Variants in PLCB1 observed in about 807,000 individuals in gnomAD.
PLCB1 encodes the protein 1-phosphatidylinositol 4,5-bisphosphate phosphodiesterase beta-1.
In PLCB1, 46 loss-of-function variants were observed where a neutral mutation model predicts 161.8. That is an observed-to-expected ratio of 0.28 (90% confidence interval 0.22 to 0.36). PLCB1 has a LOEUF of 0.36. Among genes scored for constraint, PLCB1 ranks in the 10% least tolerant of loss-of-function variants. PLCB1 has a pLI of 1.00. For synonymous variants in PLCB1, 517 were observed against 503.7 expected (o/e 1.03, Z -0.35); for missense variants, 1,016 against 1,472.5 (o/e 0.69, Z 5.07).
At chr20:8,875,272 A>G (rs1987739384) in intron 31 of PLCB1, among the ~76,000 whole-genome samples, 1 of 150,372 alleles carries the variant, frequency 6.7e-6, no homozygotes, top group Non-Finnish European at 1.5e-5. Context: ...GTACCCCATG[A>G]TTATACAGTT....
chr20:8,200,104 A>G (rs1184736001), intron 2 of PLCB1, among the ~76,000 whole-genome samples: 1 of 152,104 alleles, frequency 6.6e-6, no homozygotes, highest in Non-Finnish European at 1.5e-5. Flanking sequence ...TTGCATTACT[A>G]ATATCTTCTC....
At chr20:8,444,222 A>G (rs1336311658) in intron 3 of PLCB1, among the ~76,000 whole-genome samples, 1 of 140,040 alleles carries the variant, frequency 7.1e-6, no homozygotes, top group Non-Finnish European at 1.5e-5. Flanking sequence ...GCGGTGTGTG[A>G]TGTTCCCCAC....
chr20:8,251,200 T>A (rs957819128), intron 2 of PLCB1, among the ~76,000 whole-genome samples: 3 of 152,006 alleles, frequency 2.0e-5, no homozygotes, highest in Admixed American at 1.3e-4. Context: ...TGTGAGGGGA[T>A]GTCCTCATGA....
At chr20:8,639,926 A>G (rs2123260329) in intron 4 of PLCB1, among the ~76,000 whole-genome samples, 1 of 151,682 alleles carries the variant, frequency 6.6e-6, no homozygotes, top group East Asian at 1.9e-4. Context: ...AAGAGTCACT[A>G]TTCCAAGACC....
chr20:8,751,046 C>T (rs1245230716), intron 23 of PLCB1: 1 of 318,980 alleles, frequency 3.1e-6, no homozygotes, highest in Non-Finnish European at 6.1e-6. Context: ...CGCCATTCTC[C>T]TGGGTCAGCC....
At chr20:8,513,196 A>G (rs1234101464) in intron 3 of PLCB1, among the ~76,000 whole-genome samples, 1 of 152,236 alleles carries the variant, frequency 6.6e-6, no homozygotes, top group Non-Finnish European at 1.5e-5. Context: ...AAAGTTGATC[A>G]AAGACAAGAG....
intron 3 of PLCB1, chr20:8,372,242 A>C (rs937203148): frequency 6.6e-6 from 1 of 152,218 alleles, no homozygotes; most frequent in Non-Finnish European, 1.5e-5. Flanking sequence ...TACTTGATAT[A>C]AAACTAGCTA....
At chr20:8,246,052 AG>A (rs1441889043) in intron 2 of PLCB1, among the ~76,000 whole-genome samples, 1 of 151,942 alleles carries the variant, frequency 6.6e-6, no homozygotes, top group African/African-American at 2.4e-5. Context: ...TTTGTACATG[AG>A]CATTCATTGG....
intron 11 of PLCB1, among the ~76,000 whole-genome samples, chr20:8,704,608 G>A (rs576197290): frequency 6.6e-6 from 1 of 152,304 alleles, no homozygotes; most frequent in East Asian, 1.9e-4. Flanking sequence ...ACTATCTTCT[G>A]CAGACCACAT....
chr20:8,414,590 A>G (rs1412541660), intron 3 of PLCB1, among the ~76,000 whole-genome samples: 1 of 152,254 alleles, frequency 6.6e-6, no homozygotes, highest in Non-Finnish European at 1.5e-5. Flanking sequence ...TAAAACAATC[A>G]AAAATCAAAG....
intron 2 of PLCB1, among the ~76,000 whole-genome samples, chr20:8,364,736 G>C (rs552886826): frequency 6.6e-6 from 1 of 152,306 alleles, no homozygotes; most frequent in East Asian, 1.9e-4. Flanking sequence ...ACACCAAGTG[G>C]TGAAACCCCA....
chr20:8,647,348 A>C (rs1989197227), intron 5 of PLCB1, among the ~76,000 whole-genome samples: 2 of 152,188 alleles, frequency 1.3e-5, no homozygotes, highest in Admixed American at 1.3e-4. Context: ...ACAAATGTCT[A>C]TTCCAGAAAG....
chr20:8,314,977 C>G (rs944248401), intron 2 of PLCB1, among the ~76,000 whole-genome samples: 1 of 152,118 alleles, frequency 6.6e-6, no homozygotes, highest in East Asian at 1.9e-4. Flanking sequence ...ATTGTGGAAG[C>G]TATTAAACAG....
chr20:8,854,196 A>G (rs958154205), intron 31 of PLCB1, among the ~76,000 whole-genome samples: 1 of 152,142 alleles, frequency 6.6e-6, no homozygotes, highest in Non-Finnish European at 1.5e-5. Context: ...ACTCAATTGC[A>G]CAGTCCTCAG....
At chr20:8,786,852 C>A (rs145356965) in intron 27 of PLCB1, among the ~76,000 whole-genome samples, 352 of 151,544 alleles carry the variant, frequency 2.3e-3, no homozygotes, top group African/African-American at 8.0e-3. Context: ...TACAGGCACC[C>A]ACCACCAGGC....
intron 2 of PLCB1, among the ~76,000 whole-genome samples, chr20:8,191,244 C>G (rs2051967201): frequency 6.6e-6 from 1 of 151,808 alleles, no homozygotes; most frequent in Non-Finnish European, 1.5e-5. Flanking sequence ...TCATGGAGAA[C>G]TGGGTATTCA....
At position 8,343,656 on chromosome 20, in the gene PLCB1, C is replaced by A. The variant is rs577721610; in HGVS notation, c.178-27726C>A. ...AGGCTTCTTGGCATGCTGTAACACA[C>A]AGTTAGGTATAAGCAGCCCTAAGAA... On this transcript the variant is annotated intron_variant, in intron 2 of 31. Transcript: ENST00000338037. 3.3e-5 allele frequency among the ~76,000 whole-genome samples: 5 copies of A among 152,288 alleles called. No homozygotes were observed. The South Asian group carries it at 1.0e-3, about 32-fold the overall frequency.
At chr20:8,161,754 T>C (rs2123051838) in intron 2 of PLCB1, among the ~76,000 whole-genome samples, 1 of 152,120 alleles carries the variant, frequency 6.6e-6, no homozygotes, top group East Asian at 1.9e-4. Context: ...TCTGACTTAA[T>C]TGGTCTGGGG....
rs114033065 is a variant in PLCB1, at chr20:8,516,499, T to C, written c.247-111795T>C. ...CATTTCAGAACAACAACCTACTCTA[T>C]CAGAGATAGTTTCCCTTTTATACAT... On this transcript the variant is annotated intron_variant, in intron 3 of 31. Coordinates refer to ENST00000338037, the MANE Select transcript of PLCB1 (RefSeq NM_015192.4). Among the ~76,000 whole-genome samples the C allele has an allele frequency of 5.0e-3, 759 of 152,092 alleles. 5 individuals carry two copies. The highest frequency in any genetic ancestry group is 0.017 in the African/African-American group (705 of 41,502).
Sources: allele counts gnomAD v4.1 joint callset (sites outside exome capture counted in the v4.1 genomes callset), GRCh38; gene constraint gnomAD v4.1.1; transcripts MANE v1.5; gene names NCBI Gene and HGNC (gene_info 2026-07-23, HGNC 2026-07-21).